Variants in ADAMTS17 observed in about 807,000 individuals in gnomAD.
ADAMTS17 encodes the protein A disintegrin and metalloproteinase with thrombospondin motifs 17.
In ADAMTS17, 113 loss-of-function variants were observed where a neutral mutation model predicts 141.5. The observed-to-expected ratio is 0.80, with a 90% CI of 0.69 to 0.93. The LOEUF is 0.93. ADAMTS17 is among the 40% of genes least tolerant of loss of function. The pLI is 0.00. For synonymous variants in ADAMTS17, 768 were observed against 630.6 expected (o/e 1.22, Z -3.27); for missense variants, 1,659 against 1,517.9 (o/e 1.09, Z -1.54).
chr15:100,320,286 C>T (rs1163173643), intron 3 of ADAMTS17, among the ~76,000 whole-genome samples: 2 of 152,090 alleles, frequency 1.3e-5, no homozygotes, highest in Admixed American at 6.5e-5. Context: ...GGAAGAGGCA[C>T]GTCTCCACGA....
chr15:99,990,234 T>TC (rs982029791), intron 20 of ADAMTS17, among the ~76,000 whole-genome samples: 11 of 152,098 alleles, frequency 7.2e-5, no homozygotes, highest in African/African-American at 2.7e-4. Flanking sequence ...AGACAGGGTA[T>TC]CCCTATGTTT....
intron 8 of ADAMTS17, among the ~76,000 whole-genome samples, chr15:100,180,965 T>G (rs2040503765): frequency 6.6e-6 from 1 of 151,912 alleles, no homozygotes; most frequent in Non-Finnish European, 1.5e-5. Flanking sequence ...GGCACTGGAG[T>G]CAAAACCTTA....
At chr15:100,151,558 C>G (rs2039165620) in intron 10 of ADAMTS17, among the ~76,000 whole-genome samples, 1 of 152,196 alleles carries the variant, frequency 6.6e-6, no homozygotes. Context: ...TCCTTGGGAC[C>G]AGGTGTGCTT....
At chr15:100,213,553 T>C (rs958268462) in intron 7 of ADAMTS17, among the ~76,000 whole-genome samples, 2 of 152,212 alleles carry the variant, frequency 1.3e-5, no homozygotes, top group Non-Finnish European at 2.9e-5. Context: ...AGAGCTGTGT[T>C]ATTTTCCTAA....
chr15:100,157,903 T>TTTTTTTTC (rs2039509936), intron 8 of ADAMTS17, among the ~76,000 whole-genome samples: 1 of 151,788 alleles, frequency 6.6e-6, no homozygotes, highest in Non-Finnish European at 1.5e-5. Context: ...TTTTTTTTTT[T>TTTTTTTTC]CCTGAGATGG....
chr15:100,155,091 C>G, intron 9 of ADAMTS17, 89 bp downstream of exon 9: 1 of 1,592,978 alleles, frequency 6.3e-7, no homozygotes, highest in Non-Finnish European at 8.6e-7. Context: ...AGTCATTTCT[C>G]CACTTCACAC....
intron 4 of ADAMTS17, among the ~76,000 whole-genome samples, chr15:100,273,937 CTT>C (rs1375967946): frequency 6.6e-6 from 1 of 152,068 alleles, no homozygotes; most frequent in Non-Finnish European, 1.5e-5. Flanking sequence ...TTCTTTGACT[CTT>C]TGGTTATTTA....
intron 10 of ADAMTS17, among the ~76,000 whole-genome samples, chr15:100,133,818 G>C (rs2038183515): frequency 6.6e-6 from 1 of 152,226 alleles, no homozygotes; most frequent in African/African-American, 2.4e-5. Context: ...GGCCATGAAG[G>C]ACTGGTACCC....
chr15:100,244,826 T>G (rs1011209301), intron 7 of ADAMTS17, among the ~76,000 whole-genome samples: 1 of 152,124 alleles, frequency 6.6e-6, no homozygotes, highest in African/African-American at 2.4e-5. Context: ...GCAGGCTGTT[T>G]ATGAACAGGC....
chr15:100,132,231 G>C, intron 11 of ADAMTS17, 79 bp from the exon 12 acceptor site: 1 of 1,548,014 alleles, frequency 6.5e-7, no homozygotes, highest in South Asian at 1.2e-5. Context: ...CCAAAATGCC[G>C]TGCTGCCAAA....
At chr15:100,141,206 G>C (rs1432881276) in intron 10 of ADAMTS17, among the ~76,000 whole-genome samples, 1 of 152,234 alleles carries the variant, frequency 6.6e-6, no homozygotes, top group Non-Finnish European at 1.5e-5. Context: ...TGAGCCAGCA[G>C]CAAGCATGCA....
At chr15:100,178,007 T>C (rs1032737523) in intron 8 of ADAMTS17, among the ~76,000 whole-genome samples, 3 of 152,182 alleles carry the variant, frequency 2.0e-5, no homozygotes, top group Admixed American at 6.5e-5. Context: ...ATGAATGTTT[T>C]CATGATGTAT....
chr15:99,983,646 G>T (rs2060525254), intron 20 of ADAMTS17, among the ~76,000 whole-genome samples: 1 of 152,056 alleles, frequency 6.6e-6, no homozygotes, highest in Non-Finnish European at 1.5e-5. Context: ...GCTTCCTGCA[G>T]AGTGGCCCAG....
intron 3 of ADAMTS17, among the ~76,000 whole-genome samples, chr15:100,292,022 G>A (rs751301698): frequency 5.3e-5 from 8 of 152,252 alleles, no homozygotes; most frequent in East Asian, 1.9e-4. Context: ...CACTCACCCC[G>A]TGTGGAATCA....
At chr15:100,081,456 T>C (rs80226227) in intron 15 of ADAMTS17, among the ~76,000 whole-genome samples, 5,708 of 152,308 alleles carry the variant, frequency 0.037, 374 homozygotes, top group African/African-American at 0.13. Context: ...CTGCATGACC[T>C]TGTGCTAAAA....
At chr15:100,246,969 C>T (rs1228841716) in intron 7 of ADAMTS17, among the ~76,000 whole-genome samples, 1 of 152,028 alleles carries the variant, frequency 6.6e-6, no homozygotes, top group Admixed American at 6.6e-5. Flanking sequence ...CTGCAACCTC[C>T]ATCTCCCAGG....
intron 12 of ADAMTS17, among the ~76,000 whole-genome samples, chr15:100,119,043 T>TACACACACACACACACACAC (rs60655404): frequency 3.4e-5 from 5 of 148,700 alleles, no homozygotes; most frequent in South Asian, 4.3e-4. Context: ...CATCTGGAGA[T>TACACACACACACACACACAC]ACACACACAC....
chr15:100,246,287 C>A (rs868208461), intron 7 of ADAMTS17, among the ~76,000 whole-genome samples: 1 of 152,094 alleles, frequency 6.6e-6, no homozygotes, highest in Non-Finnish European at 1.5e-5. Flanking sequence ...GAATAGCATG[C>A]GACTTTCCTA....
At chr15:100,322,158 A>AG (rs961282798) in intron 3 of ADAMTS17, among the ~76,000 whole-genome samples, 2 of 152,206 alleles carry the variant, frequency 1.3e-5, no homozygotes, top group African/African-American at 4.8e-5. Context: ...CAGGAGACTG[A>AG]GGGAAGGCCT....
Sources: allele counts gnomAD v4.1 joint callset (sites outside exome capture counted in the v4.1 genomes callset), GRCh38; gene constraint gnomAD v4.1.1; transcripts MANE v1.5; gene names NCBI Gene and HGNC (gene_info 2026-07-23, HGNC 2026-07-21).